The following TTF2 variants were observed in gnomAD, a reference collection of about 807,000 sequenced individuals.
TTF2 encodes the protein transcription termination factor 2.
A neutral mutation model predicts 142.4 loss-of-function variants in TTF2; 108 were observed. The ratio of observed to expected loss-of-function variants is 0.76; its 90% CI spans 0.65 to 0.89. TTF2 has a LOEUF of 0.89. Ranked by LOEUF, TTF2 falls within the 40% of genes least tolerant of loss-of-function variation. The probability of loss-of-function intolerance (pLI) is 0.00; values close to 1 mark genes in which losing one functional copy is unlikely to be tolerated. For missense variants in TTF2, 1,327 were observed against 1,379.8 expected, an observed-to-expected ratio of 0.96 and a Z score of 0.61; for synonymous variants, 483 against 506.2, an observed-to-expected ratio of 0.95 and a Z score of 0.61.
In TTF2 at chr1:117,077,974, T is replaced by C. The variant is rs1657152264; in HGVS notation, c.1632T>C (p.Gly544=). 1.2e-6 allele frequency: 2 copies of C among 1,614,076 alleles called. No individual in the cohort carries two copies. Among genetic ancestry groups the C allele is most frequent in the African/African-American group, 1.3e-5 (1 of 74,934 alleles). ...GGAAAATCACAAGTGAAGCCATCGG[T>C]CAACTGCATCGCTCACTTGAGTCAT... is the stretch of plus-strand genomic sequence containing the variant. ...AVWKITSEAI[G]QLHRSLESCP... is the part of the protein sequence containing the mutation. The change falls in exon 8 of 23, where the codon GGT becomes GGC. Residue 544 remains glycine (G), a synonymous_variant. Transcript: ENST00000369466.
Position 117,075,145 on chromosome 1 carries a change from A to G in TTF2, c.561A>G (p.Lys187=), listed in dbSNP as rs757327459. ...DLSSGLVPKK[K]QSVVQEKKQE... ...CATCTGGCCTGGTACCAAAGAAAAA[A>G]CAATCTGTAGTTCAAGAGAAGAAGC... Residue 187 remains lysine, a synonymous_variant, in exon 5 of 23, where the codon AAA becomes AAG. Coordinates refer to ENST00000369466, the MANE Select transcript of TTF2 (RefSeq NM_003594.4). This position sits in a 1 kb window ranked among gnomAD's most constrained non-coding sequence, Gnocchi z 4.5. 4.3e-6 allele frequency: 7 copies of G among 1,614,016 alleles called. No individual in the cohort carries two copies. Among genetic ancestry groups the G allele is most frequent in the East Asian group, 2.2e-5 (1 of 44,892 alleles).
Position 117,076,042 on chromosome 1 carries a change from T to TA in TTF2, c.1276-132dup. 2.3e-6 allele frequency: 3 copies of TA among 1,297,670 alleles called. No individual in the cohort carries two copies. The highest frequency in any genetic ancestry group is 3.1e-6 in the Non-Finnish European group (3 of 964,006). The allele number at this position is 1,297,670 out of a possible 1,614,324, so 80.4% of individuals were successfully genotyped here. Reference sequence around the variant, plus strand: ...TTGGTAAGCCAGCTGGGTTAAAATTTAAAAAAGGTTCTGGTTTTTGCACAC... The same window carrying TA: ...TTGGTAAGCCAGCTGGGTTAAAATTTAAAAAAAGGTTCTGGTTTTTGCACAC... On this transcript the variant is annotated intron_variant, in intron 5 of 22. Coordinates refer to ENST00000369466, the MANE Select transcript of TTF2 (RefSeq NM_003594.4). The surrounding 1 kb of genome is among the most constrained non-coding windows in gnomAD (Gnocchi z 4.6).
rs1306182801 is a variant in TTF2 at position 117,086,266 on chromosome 1, TGTGTGC to T, written c.2055-145_2055-140del. The T allele has an allele frequency of 6.7e-5, 39 of 578,774 alleles. No homozygotes were observed. Among genetic ancestry groups the T allele is most frequent in the African/African-American group, 6.5e-4 (35 of 53,468 alleles). The allele number at this position is 578,774 out of a possible 1,614,324, so 35.9% of individuals were successfully genotyped here. On this transcript the variant is annotated intron_variant, in intron 11 of 22. Coordinates refer to ENST00000369466, the MANE Select transcript of TTF2 (RefSeq NM_003594.4). This position sits in a 1 kb window ranked among gnomAD's most constrained non-coding sequence, Gnocchi z 4.2. ...TCCAAAATGTGTGTGTGTGTGTGTG[TGTGTGC>T]GTGTGTGTGTTAAGGACACAAGTTA...
chr1:117,077,997 C>A lies in TTF2; in HGVS notation c.1655C>A (p.Ser552Ter). The A allele has an allele frequency of 6.2e-7, 1 of 1,614,174 alleles. No homozygotes were observed. The change falls in exon 8 of 23, where the codon TCA becomes TAA. Residue 552 changes from serine to a stop codon, truncating the protein, a stop_gained. Transcript: ENST00000369466. LOFTEE classifies it high-confidence loss of function. ...GGTCAACTGCATCGCTCACTTGAGTCATGTCCTGGTGAGACGGTTGTGGCA... is the reference window on the plus strand; with the variant it reads ...GGTCAACTGCATCGCTCACTTGAGTAATGTCCTGGTGAGACGGTTGTGGCA... ...AIGQLHRSLE[S>*]CPGETVVAED...
chr1:117,076,080 C>A lies in TTF2; in HGVS notation c.1276-100C>A. On this transcript the variant is annotated intron_variant, in intron 5 of 22. Coordinates refer to ENST00000369466, the MANE Select transcript of TTF2 (RefSeq NM_003594.4). The surrounding 1 kb of genome is among the most constrained non-coding windows in gnomAD (Gnocchi z 4.6). ...GGTTTTTGCACACATATTTAAAAGA[C>A]CATAATTTCAGAGTTTGGGTGTTTC... 1.5e-6 allele frequency: 2 copies of A among 1,335,684 alleles called. No homozygotes were observed. Among genetic ancestry groups the A allele is most frequent in the Non-Finnish European group, 2.1e-6 (2 of 975,058 alleles). 82.7% of individuals were successfully genotyped at this position (1,335,684 alleles called of 1,614,324 possible).
Position 117,084,159 on chromosome 1 carries a change from G to T in TTF2, c.2045G>T (p.Arg682Leu), listed in dbSNP as rs185283054. 2.5e-5 allele frequency: 41 copies of T among 1,614,056 alleles called. No individual in the cohort carries two copies. The highest frequency in any genetic ancestry group is 3.5e-5 in the Non-Finnish European group (41 of 1,180,036). Reference protein sequence around the residue: ...YLYHGPNRDSRARVLSTYDIV... With the variant: ...YLYHGPNRDSLARVLSTYDIV... ...TACCATGGGCCAAACCGGGATTCAC[G>T]TGCCAGAGTGTAAGTGCAGGAATAC... The change falls in exon 11 of 23, where the codon CGT (arginine) becomes CTT (leucine). Residue 682 changes from arginine to leucine, a missense_variant. Physicochemically the swap from Arg to Leu is moderately radical, Grantham distance 102. Coordinates refer to ENST00000369466, the MANE Select transcript of TTF2 (RefSeq NM_003594.4).
intron 9 of TTF2, among the ~76,000 whole-genome samples, chr1:117,081,382 C>T (rs951512447): frequency 3.9e-5 from 6 of 152,148 alleles, no homozygotes; most frequent in African/African-American, 1.2e-4. Flanking sequence ...CATTTATGTC[C>T]TCTTTTGATG....
At position 117,079,633 on chromosome 1, in the gene TTF2, A is replaced by T. The variant is rs1272894356; in HGVS notation, c.1767A>T (p.Pro589=). ...AWLLWRESQK[P]QGGILADDMG... ...TACTATGGCGAGAAAGTCAGAAGCC[A>T]CAAGGAGGAATTCTGGGTAAGTGTG... The change falls in exon 9 of 23, where the codon CCA becomes CCT. Residue 589 remains proline, a synonymous_variant. Transcript: ENST00000369466. The surrounding 1 kb of genome is among the most constrained non-coding windows in gnomAD (Gnocchi z 4.2). 38 of 1,614,134 alleles carry T rather than the reference A, an allele frequency of 2.4e-5. No homozygotes were observed. The highest frequency in any genetic ancestry group is 3.1e-5 in the Non-Finnish European group (37 of 1,180,044).
In TTF2 at chr1:117,100,729, A is replaced by G. The variant is rs578227576; in HGVS notation, c.3345-651A>G. 1.6e-4 allele frequency among the ~76,000 whole-genome samples: 25 copies of G among 152,272 alleles called. No individual in the cohort carries two copies. The highest frequency in any genetic ancestry group is 6.0e-4 in the African/African-American group (25 of 41,560). Reference sequence around the variant, plus strand: ...TCTCATATTAAGAGTTAACTGTTTAATGGGGCCCTCCCTGACTACCCTGGA... The same window carrying G: ...TCTCATATTAAGAGTTAACTGTTTAGTGGGGCCCTCCCTGACTACCCTGGA... On this transcript the variant is annotated intron_variant, in intron 22 of 22. Transcript: ENST00000369466. The surrounding 1 kb of genome is among the most constrained non-coding windows in gnomAD (Gnocchi z 4.6).
chr1:117,076,939 C>CA lies in TTF2; in HGVS notation c.1573+123dup, dbSNP rs958715147. The CA allele has an allele frequency of 7.7e-5, 71 of 926,588 alleles. No homozygotes were observed. The highest frequency in any genetic ancestry group is 1.0e-4 in the Non-Finnish European group (65 of 638,732). The allele number at this position is 926,588 out of a possible 1,614,324, so 57.4% of individuals were successfully genotyped here. On this transcript the variant is annotated intron_variant, in intron 7 of 22. Transcript: ENST00000369466. The surrounding 1 kb of genome is among the most constrained non-coding windows in gnomAD (Gnocchi z 4.6). ...CAGTTAACCTTAGTCACCTGTGGTT[C>CA]AAAAAAAGGTGAGTACAGTACAGTA...
chr1:117,066,118 T>G lies in TTF2; in HGVS notation c.218+3645T>G, dbSNP rs1052885971. ...TCCCAAAGTACTGGGATTACAGGTG[T>G]GGGCCACTGCACCCAGCCTGTTCAT... On this transcript the variant is annotated intron_variant, in intron 3 of 22. Coordinates refer to ENST00000369466, the MANE Select transcript of TTF2 (RefSeq NM_003594.4). 7.3e-5 allele frequency among the ~76,000 whole-genome samples: 11 copies of G among 150,122 alleles called. 1 individual carries two copies. In the Admixed American group the frequency reaches 7.3e-4, roughly 10 times the overall value.
Position 117,092,832 on chromosome 1 carries a change from T to C in TTF2, c.2907T>C (p.Ser969=), listed in dbSNP as rs139764904. The C allele has an allele frequency of 8.4e-5, 136 of 1,614,226 alleles. 1 individual carries two copies. The African/African-American group carries it at 1.5e-3, about 17-fold the overall frequency. The change falls in exon 18 of 23, where the codon TCT becomes TCC. Residue 969 remains serine, a synonymous_variant. Transcript: ENST00000369466. The surrounding 1 kb of genome is among the most constrained non-coding windows in gnomAD (Gnocchi z 4.4). ...CAGAACTCCGTGACTCAGAGCCATC[T>C]TCCACTGTTTCCCTTAACGGCACCT... ...TLSELRDSEP[S]STVSLNGTFF...
chr1:117,081,801 T>C (rs767101200), intron 9 of TTF2, 27 bp from the exon 10 acceptor site: 2 of 1,607,440 alleles, frequency 1.2e-6, no homozygotes, highest in South Asian at 2.2e-5. Flanking sequence ...AGCAATTAAC[T>C]CTCTTAATTT....
chr1:117,088,317 C>T (rs1357923497), intron 12 of TTF2, among the ~76,000 whole-genome samples: 1 of 152,134 alleles, frequency 6.6e-6, no homozygotes, highest in East Asian at 1.9e-4. Flanking sequence ...GCGGGTGGAT[C>T]ACGAGGTCAG....
At position 117,100,371 on chromosome 1, in the gene TTF2, C is replaced by T. The variant is rs992384248; in HGVS notation, c.3345-1009C>T. Among the ~76,000 whole-genome samples the T allele has an allele frequency of 2.0e-5, 3 of 152,180 alleles. No homozygotes were observed. Among genetic ancestry groups the T allele is most frequent in the Non-Finnish European group, 2.9e-5 (2 of 68,034 alleles). On this transcript the variant is annotated intron_variant, in intron 22 of 22. Transcript: ENST00000369466. This position sits in a 1 kb window ranked among gnomAD's most constrained non-coding sequence, Gnocchi z 4.6. ...CCTTCCCATGCCCACTGCCAGGTCCCCCCTTCCCACTCTGCTGAATCCTGT... is the reference window on the plus strand; with the variant it reads ...CCTTCCCATGCCCACTGCCAGGTCCTCCCTTCCCACTCTGCTGAATCCTGT...
In TTF2 at chr1:117,076,535, C is replaced by T; in HGVS notation, c.1391-106C>T. ...AATGCTACCTTCTCTAGGAATCCTT[C>T]ATCGGAATGGTGATGATCCCTCTCT... On this transcript the variant is annotated intron_variant, in intron 6 of 22. Transcript: ENST00000369466. The surrounding 1 kb of genome is among the most constrained non-coding windows in gnomAD (Gnocchi z 4.6). The T allele has an allele frequency of 1.6e-6, 2 of 1,251,346 alleles. No homozygotes were observed. Among genetic ancestry groups the T allele is most frequent in the South Asian group, 3.1e-5 (2 of 64,726 alleles). 77.5% of individuals were successfully genotyped at this position (1,251,346 alleles called of 1,614,324 possible). A position where few individuals can be genotyped will look rare whatever the true frequency, so the allele number is the denominator to read the frequency against.
At position 117,081,851 on chromosome 1, in the gene TTF2, A is replaced by C. The variant is rs1411899123; in HGVS notation, c.1807A>C (p.Thr603Pro). ...ILADDMGLGK[T>P]LTMIALILTQ... ...AGCAGATGATATGGGCTTAGGAAAA[A>C]CCCTGACAATGATTGCGCTCATCCT... Residue 603 changes from threonine (T) to proline (P), a missense_variant, in exon 10 of 23, where the codon ACC (threonine) becomes CCC (proline). Thr to Pro is a conservative substitution (Grantham distance 38). Transcript: ENST00000369466. 2 of 1,613,994 alleles carry C rather than the reference A, an allele frequency of 1.2e-6. No individual in the cohort carries two copies. The highest frequency in any genetic ancestry group is 4.5e-5 in the East Asian group (2 of 44,868).
intron 9 of TTF2, 98 bp from the exon 10 acceptor site, chr1:117,081,730 A>T (rs1647526909): frequency 2.8e-6 from 4 of 1,453,518 alleles, no homozygotes; most frequent in Admixed American, 2.2e-5. Flanking sequence ...CTGACAGAGA[A>T]CAATGGGGAA....
Position 117,090,277 on chromosome 1 carries a change from T to C in TTF2, c.2496+69T>C, listed in dbSNP as rs751413576. On this transcript the variant is annotated intron_variant, in intron 14 of 22. Coordinates refer to ENST00000369466, the MANE Select transcript of TTF2 (RefSeq NM_003594.4). The surrounding 1 kb of genome is among the most constrained non-coding windows in gnomAD (Gnocchi z 4.8). ...ACATGACTGTGTCCTTGTCTTGGGTTGAACAGCCATCTGCTTTGCTTCAGG... is the reference window on the plus strand; with the variant it reads ...ACATGACTGTGTCCTTGTCTTGGGTCGAACAGCCATCTGCTTTGCTTCAGG... 2.9e-5 allele frequency: 46 copies of C among 1,559,752 alleles called. No individual in the cohort carries two copies. Among genetic ancestry groups the C allele is most frequent in the Non-Finnish European group, 3.8e-5 (44 of 1,154,468 alleles).
Sources: allele counts gnomAD v4.1 joint callset (sites outside exome capture counted in the v4.1 genomes callset), GRCh38; gene constraint gnomAD v4.1.1; non-coding constraint Gnocchi (gnomAD v3.1); transcripts MANE v1.5; gene names NCBI Gene and HGNC (gene_info 2026-07-23, HGNC 2026-07-21).